The following DIS3L2 variants were observed in gnomAD, a reference collection of about 807,000 sequenced individuals.
The protein encoded by DIS3L2 is DIS3-like exonuclease 2.
In DIS3L2, 34 loss-of-function variants were observed where a neutral mutation model predicts 97.5. That is an observed-to-expected ratio of 0.35 (90% CI 0.27 to 0.46). DIS3L2 has a LOEUF of 0.46. DIS3L2 is among the 20% of genes least tolerant of loss of function. The pLI is 1.00. For synonymous variants in DIS3L2, 435 were observed against 445.2 expected, an observed-to-expected ratio of 0.98 and a Z score of 0.29; for missense variants, 1,038 against 1,146.0, an observed-to-expected ratio of 0.91 and a Z score of 1.36.
intron 5 of DIS3L2, among the ~76,000 whole-genome samples, chr2:232,052,030 T>TA (rs1387236263): frequency 2.1e-5 from 3 of 140,938 alleles, no homozygotes; most frequent in Non-Finnish European, 3.1e-5. Context: ...CTTAATTTCC[T>TA]TTTTTTTTTT....
At chr2:232,104,884 C>A (rs982517556) in intron 6 of DIS3L2, among the ~76,000 whole-genome samples, 26 of 151,620 alleles carry the variant, frequency 1.7e-4, no homozygotes, top group African/African-American at 5.8e-4. Context: ...GTGGTGTGAT[C>A]TCGGCTCACT....
intron 14 of DIS3L2, among the ~76,000 whole-genome samples, chr2:232,309,001 G>GAGGGGAGGGAAC (rs1318357629): frequency 1.4e-4 from 22 of 152,236 alleles, no homozygotes; most frequent in Admixed American, 1.3e-3. Context: ...TGTGAAGGAT[G>GAGGGGAGGGAAC]AGGGGAGGGA....
At chr2:231,994,674 T>C (rs1327875009) in intron 1 of DIS3L2, among the ~76,000 whole-genome samples, 1 of 152,202 alleles carries the variant, frequency 6.6e-6, no homozygotes, top group Non-Finnish European at 1.5e-5. Context: ...AGTCTAGTAC[T>C]AGTACACTTA....
intron 1 of DIS3L2, among the ~76,000 whole-genome samples, chr2:231,965,680 A>T (rs1007246686): frequency 2.0e-5 from 3 of 152,190 alleles, no homozygotes; most frequent in African/African-American, 7.2e-5. Context: ...GAGTGAATGC[A>T]CATATGATCT....
At position 232,097,725 on chromosome 2, in the gene DIS3L2, C is replaced by T. The variant is rs73995095; in HGVS notation, c.601+10004C>T. ...CCTAGAATCAGGAACCCCAAGAGCC[C>T]ACTTGGTACCCTTCTCCCCTGAGGC... On this transcript the variant is annotated intron_variant, in intron 6 of 20. Transcript: ENST00000325385. Among the ~76,000 whole-genome samples the T allele has an allele frequency of 7.6e-4, 116 of 152,286 alleles. 1 individual carries two copies. The highest frequency in any genetic ancestry group is 2.7e-3 in the African/African-American group (111 of 41,556).
chr2:232,143,223 C>A (rs1208683366), intron 8 of DIS3L2, among the ~76,000 whole-genome samples: 6 of 152,034 alleles, frequency 3.9e-5, no homozygotes, highest in Non-Finnish European at 8.8e-5. Flanking sequence ...AGGCATATCA[C>A]CCAGGATAGT....
chr2:232,335,760 G>GTT lies in DIS3L2; in HGVS notation c.2395-11_2395-10dup. ...CCAGAGCTGAGGCCTGAGGCTTGGT[G>GTT]TTTGCACTCCAGGCACTGGCCCTGC... is the stretch of plus-strand genomic sequence containing the variant. On this transcript the variant is annotated splice_polypyrimidine_tract_variant and intron_variant, in intron 19 of 20. Coordinates refer to ENST00000325385, the MANE Select transcript of DIS3L2 (RefSeq NM_152383.5). 6.5e-7 allele frequency: 1 copy of GTT among 1,550,106 alleles called. No homozygotes were observed. The highest frequency in any genetic ancestry group is 8.7e-7 in the Non-Finnish European group (1 of 1,146,850).
intron 13 of DIS3L2, among the ~76,000 whole-genome samples, chr2:232,277,977 G>A (rs911592259): frequency 6.7e-6 from 1 of 150,254 alleles, no homozygotes; most frequent in Non-Finnish European, 1.5e-5. Context: ...TGGCAGATAT[G>A]GGGCCCATCG....
intron 6 of DIS3L2, among the ~76,000 whole-genome samples, chr2:232,092,879 T>G (rs1696886919): frequency 6.6e-6 from 1 of 152,190 alleles, no homozygotes; most frequent in Admixed American, 6.5e-5. Flanking sequence ...GGGTGCCCTT[T>G]ATTTCTTTCT....
chr2:232,086,742 C>T (rs1334688809), intron 5 of DIS3L2, among the ~76,000 whole-genome samples: 1 of 149,088 alleles, frequency 6.7e-6, no homozygotes, highest in Non-Finnish European at 1.5e-5. Flanking sequence ...TGCAGTGGTG[C>T]CATCTCGGCT....
At chr2:232,194,590 A>G (rs1691698184) in intron 9 of DIS3L2, among the ~76,000 whole-genome samples, 1 of 152,218 alleles carries the variant, frequency 6.6e-6, no homozygotes, top group Non-Finnish European at 1.5e-5. Flanking sequence ...AGTATAATGT[A>G]ATTGTACGTT....
chr2:232,182,366 C>T (rs1307832001), intron 9 of DIS3L2, among the ~76,000 whole-genome samples: 1 of 152,122 alleles, frequency 6.6e-6, no homozygotes, highest in Non-Finnish European at 1.5e-5. Flanking sequence ...GTTCCATATC[C>T]ACTTTAGAAG....
chr2:232,267,838 A>G (rs541142036), intron 13 of DIS3L2, among the ~76,000 whole-genome samples: 6 of 152,360 alleles, frequency 3.9e-5, no homozygotes, highest in Admixed American at 1.3e-4. Context: ...CTGCCTGACT[A>G]TAATGTGAAG....
intron 12 of DIS3L2, among the ~76,000 whole-genome samples, chr2:232,255,443 G>C (rs1023207591): frequency 6.6e-6 from 1 of 152,200 alleles, no homozygotes; most frequent in African/African-American, 2.4e-5. Flanking sequence ...AGCAGGCATG[G>C]TCAGCTATAG....
intron 13 of DIS3L2, among the ~76,000 whole-genome samples, chr2:232,263,773 C>T (rs567232819): frequency 6.0e-4 from 91 of 152,300 alleles, no homozygotes; most frequent in South Asian, 2.5e-3. Flanking sequence ...CTGTGATCCT[C>T]ACCTCAGGTC....
chr2:232,095,920 A>G (rs1225826432), intron 6 of DIS3L2, among the ~76,000 whole-genome samples: 1 of 151,830 alleles, frequency 6.6e-6, no homozygotes, highest in Admixed American at 6.6e-5. Flanking sequence ...GTCTGCTGCC[A>G]CATGTGTTGT....
chr2:232,121,706 C>T (rs768423765), intron 6 of DIS3L2, among the ~76,000 whole-genome samples: 84 of 152,082 alleles, frequency 5.5e-4, no homozygotes, highest in Non-Finnish European at 9.4e-4. Flanking sequence ...CCAGAGGCTC[C>T]GAGTCTGTAG....
intron 6 of DIS3L2, among the ~76,000 whole-genome samples, chr2:232,119,795 C>T (rs1190923081): frequency 1.3e-5 from 2 of 152,178 alleles, no homozygotes; most frequent in Admixed American, 1.3e-4. Flanking sequence ...AGGTCCAACT[C>T]AGGAATCTGA....
downstream of DIS3L2, among the ~76,000 whole-genome samples, chr2:232,338,130 C>CCAAA (rs1385928146): frequency 4.1e-5 from 6 of 146,258 alleles, no homozygotes; most frequent in East Asian, 1.9e-4. Flanking sequence ...TGTGAGAGCC[C>CCAAA]CAAACAGGAG....
Sources: allele counts gnomAD v4.1 joint callset (sites outside exome capture counted in the v4.1 genomes callset), GRCh38; gene constraint gnomAD v4.1.1; transcripts MANE v1.5; gene names NCBI Gene and HGNC (gene_info 2026-07-23, HGNC 2026-07-21).